The following CEACAM16 variants were observed in gnomAD, a reference collection of about 807,000 sequenced individuals.
CEACAM16 encodes CEA cell adhesion molecule 16, tectorial membrane component.
A neutral mutation model predicts 39.4 loss-of-function variants in CEACAM16; 30 were observed. The observed-to-expected ratio is 0.76, with a 90% CI of 0.57 to 1.03. The LOEUF is 1.03. Ranked by LOEUF, CEACAM16 falls within the 50% of genes least tolerant of loss-of-function variation. CEACAM16 has a pLI of 0.00. For synonymous variants in CEACAM16, 262 were observed against 264.9 expected (o/e 0.99, Z 0.11); for missense variants, 521 against 585.3 (o/e 0.89, Z 1.13).
rs766558561 is a variant in CEACAM16 at position 44,708,096 on chromosome 19, G to A, written c.1176G>A (p.Lys392=). ...GFPNCSLLVQ[K]LNLTDTGRYT... is the part of the protein sequence containing the mutation. ...CCAACTGCTCGCTGTTGGTGCAGAA[G>A]CTGAACCTCACAGACACTGGCCGCT... Residue 392 remains lysine (K), a synonymous_variant, in exon 6 of 7, where the codon AAG becomes AAA. Coordinates refer to ENST00000587331, the MANE Select transcript of CEACAM16 (RefSeq NM_001039213.4). 2 of 1,611,516 alleles carry A rather than the reference G, an allele frequency of 1.2e-6. No homozygotes were observed. Among genetic ancestry groups the A allele is most frequent in the South Asian group, 2.2e-5 (2 of 90,472 alleles).
At chr19:44,702,015 G>A (rs945447037) in intron 2 of CEACAM16, among the ~76,000 whole-genome samples, 2 of 152,030 alleles carry the variant, frequency 1.3e-5, no homozygotes, top group East Asian at 1.9e-4. Flanking sequence ...ATGAGGGGCC[G>A]GGCAAGGTGG....
intron 5 of CEACAM16, 114 bp from the exon 6 acceptor site, chr19:44,707,747 C>T: frequency 1.1e-6 from 1 of 898,414 alleles, no homozygotes; most frequent in Non-Finnish European, 1.6e-6. Context: ...GTCTCCTTCC[C>T]AGCACCCTAC....
intron 1 of CEACAM16, 173 bp downstream of exon 1, chr19:44,699,433 T>C (rs1287974655): frequency 1.6e-5 from 7 of 441,602 alleles, no homozygotes; most frequent in South Asian, 3.4e-5. Flanking sequence ...AGCCTATACT[T>C]TTTTTTTTTT....
chr19:44,705,771 C>A lies in CEACAM16; in HGVS notation c.843C>A (p.Ser281Arg), dbSNP rs745709578. Reference sequence around the variant, plus strand: ...ACGGCCAAGACCACCTCAACATCAGCAGCATGACAGCCGCCCAGGAGGGGA... The same window carrying A: ...ACGGCCAAGACCACCTCAACATCAGAAGCATGACAGCCGCCCAGGAGGGGA... ...LKNGQDHLNI[S>R]SMTAAQEGTY... The change falls in exon 5 of 7, where the codon AGC becomes AGA. Residue 281 changes from serine (S) to arginine (R), a missense_variant. Ser to Arg is a moderately radical substitution (Grantham distance 110, BLOSUM62 -1). Coordinates refer to ENST00000587331, the MANE Select transcript of CEACAM16 (RefSeq NM_001039213.4). The A allele has an allele frequency of 6.8e-5, 109 of 1,613,926 alleles. No individual in the cohort carries two copies. The highest frequency in any genetic ancestry group is 8.8e-5 in the Non-Finnish European group (104 of 1,179,912).
At position 44,707,848 on chromosome 19, in the gene CEACAM16, G is replaced by T. The variant is rs375371763; in HGVS notation, c.941-13G>T. The T allele has an allele frequency of 4.6e-5, 69 of 1,516,184 alleles. No homozygotes were observed. The African/African-American group carries it at 6.4e-4, about 14-fold the overall frequency. 93.9% of individuals were successfully genotyped at this position (1,516,184 alleles called of 1,614,324 possible). On this transcript the variant is annotated splice_polypyrimidine_tract_variant and intron_variant, in intron 5 of 6. Coordinates refer to ENST00000587331, the MANE Select transcript of CEACAM16 (RefSeq NM_001039213.4). ...CAGACCAAACTGACCCAGCCCGCTC[G>T]CTCTCTCCCCAGCTGCAGCAGTTGC... is the stretch of plus-strand genomic sequence containing the variant.
At position 44,707,961 on chromosome 19, in the gene CEACAM16, C is replaced by A; in HGVS notation, c.1041C>A (p.Val347=). 1 of 1,604,082 alleles carries A rather than the reference C, an allele frequency of 6.2e-7. No homozygotes were observed. The highest frequency in any genetic ancestry group is 8.5e-7 in the Non-Finnish European group (1 of 1,175,474). The change falls in exon 6 of 7, where the codon GTC becomes GTA. Residue 347 remains valine, a synonymous_variant. Transcript: ENST00000587331. ...AGGGCTACCCCAAGGACCTGCTGGTCTACGCCTGGTACCGCGGGCCTGCCT... is the reference window on the plus strand; with the variant it reads ...AGGGCTACCCCAAGGACCTGCTGGTATACGCCTGGTACCGCGGGCCTGCCT... ...TVQGYPKDLL[V]YAWYRGPASE...
rs1357337669 is a variant in CEACAM16 at position 44,699,226 on chromosome 19, GTGATTTAC to G, written c.-127_-120del. On this transcript the variant is annotated 5_prime_UTR_variant, in exon 1 of 7. The change abolishes the stop of an existing upstream ORF in the 5' untranslated region. Transcript: ENST00000587331. ...CAGTATTTGTCCAATAAGTGAATGA[GTGATTTAC>G]TGAGCATTTACTCTGCGCCAGTCGT... is the stretch of plus-strand genomic sequence containing the variant. The G allele has an allele frequency of 1.9e-6, 1 of 533,948 alleles. No homozygotes were observed. Among genetic ancestry groups the G allele is most frequent in the Admixed American group, 1.9e-5 (1 of 51,542 alleles). The allele number at this position is 533,948 out of a possible 1,614,324, so 33.1% of individuals were successfully genotyped here.
intron 6 of CEACAM16, 93 bp from the exon 7 acceptor site, chr19:44,710,403 G>A (rs1429543387): frequency 7.0e-7 from 1 of 1,438,132 alleles, no homozygotes; most frequent in Non-Finnish European, 9.6e-7. Context: ...GGCCCGGGGT[G>A]GGCAGGGGAG....
In CEACAM16 at chr19:44,701,032, A is replaced by G. The variant is rs1332794621; in HGVS notation, c.-96-329A>G. ...CACTGGGTGGGGCTGGGAAAGGTGC[A>G]GTCACCTTTTACTGATTTTCTTCCT... On this transcript the variant is annotated intron_variant, in intron 1 of 6. Coordinates refer to ENST00000587331, the MANE Select transcript of CEACAM16 (RefSeq NM_001039213.4). This position sits in a 1 kb window ranked among gnomAD's most constrained non-coding sequence, Gnocchi z 4.0. 6.6e-6 allele frequency among the ~76,000 whole-genome samples: 1 copy of G among 152,196 alleles called. No homozygotes were observed. The highest frequency in any genetic ancestry group is 1.5e-5 in the Non-Finnish European group (1 of 68,032).
At chr19:44,704,389 C>A (rs563222612) in intron 4 of CEACAM16, 93 bp downstream of exon 4, 8 of 1,392,060 alleles carry the variant, frequency 5.7e-6, no homozygotes, top group Admixed American at 2.9e-5. Flanking sequence ...GGGCACACAG[C>A]GAGTCAGCAG....
rs555795679 is a variant in CEACAM16, at chr19:44,701,647, A to G, written c.37+154A>G. ...CTTCACACCGGCAGTTTACCCCTCC[A>G]AGAGGCATCTGCATTGGGCAGGCTG... On this transcript the variant is annotated intron_variant, in intron 2 of 6. Transcript: ENST00000587331. The surrounding 1 kb of genome is among the most constrained non-coding windows in gnomAD (Gnocchi z 4.0). Among the ~76,000 whole-genome samples the G allele has an allele frequency of 2.4e-4, 36 of 152,302 alleles. No individual in the cohort carries two copies. Among genetic ancestry groups the G allele is most frequent in the African/African-American group, 8.7e-4 (36 of 41,562 alleles).
At chr19:44,704,389 C>T (rs563222612) in intron 4 of CEACAM16, 93 bp downstream of exon 4, 355 of 1,392,176 alleles carry the variant, frequency 2.5e-4, no homozygotes, top group Admixed American at 4.0e-4. Flanking sequence ...GGGCACACAG[C>T]GAGTCAGCAG....
At chr19:44,708,827 T>C (rs1015170646) in intron 6 of CEACAM16, among the ~76,000 whole-genome samples, 24 of 152,310 alleles carry the variant, frequency 1.6e-4, no homozygotes, top group African/African-American at 5.8e-4. Context: ...AGAATGGAAG[T>C]TCCCAGATGT....
intron 5 of CEACAM16, among the ~76,000 whole-genome samples, chr19:44,707,195 G>A (rs1974462936): frequency 6.6e-6 from 1 of 151,592 alleles, no homozygotes; most frequent in African/African-American, 2.4e-5. Context: ...CCACCTTTGG[G>A]GTACTCCTAA....
chr19:44,708,515 T>C (rs866661251), intron 6 of CEACAM16, among the ~76,000 whole-genome samples: 42 of 152,210 alleles, frequency 2.8e-4, no homozygotes, highest in African/African-American at 8.9e-4. Context: ...CATAGTCTGA[T>C]GGTGGAGCAT....
At chr19:44,705,934 A>G (rs1684242969) in intron 5 of CEACAM16, 66 bp downstream of exon 5, 1 of 1,534,150 alleles carries the variant, frequency 6.5e-7, no homozygotes, top group East Asian at 2.3e-5. Flanking sequence ...GCGAAGGTTA[A>G]GCCACCATTT....
intron 4 of CEACAM16, 76 bp from the exon 5 acceptor site, chr19:44,705,514 G>T: frequency 2.7e-6 from 4 of 1,463,424 alleles, no homozygotes; most frequent in Admixed American, 2.2e-5. Context: ...TAGCTTGGTG[G>T]AGAGAAAACC....
Position 44,703,650 on chromosome 19 carries a change from G to A in CEACAM16, c.339G>A (p.Arg113=), listed in dbSNP as rs762568989. ...CCTACATCCTGCAGACCTTCAACAG[G>A]CAGTTGCAGACCGAGGTGGGCTACG... The part of the protein sequence containing the change: ...SGTYILQTFN[R]QLQTEVGYGH... The change falls in exon 3 of 7, where the codon AGG becomes AGA. Residue 113 remains arginine (R), a synonymous_variant. Coordinates refer to ENST00000587331, the MANE Select transcript of CEACAM16 (RefSeq NM_001039213.4). 1.9e-6 allele frequency: 3 copies of A among 1,592,854 alleles called. No homozygotes were observed. The highest frequency in any genetic ancestry group is 3.3e-4 in the Middle Eastern group (2 of 5,994).
chr19:44,705,494 C>T, intron 4 of CEACAM16, 96 bp from the exon 5 acceptor site: 1 of 1,328,098 alleles, frequency 7.5e-7, no homozygotes, highest in Non-Finnish European at 1.0e-6. Flanking sequence ...CCAAGATATT[C>T]CCAGGGACCT....
Sources: allele counts gnomAD v4.1 joint callset (sites outside exome capture counted in the v4.1 genomes callset), GRCh38; gene constraint gnomAD v4.1.1; non-coding constraint Gnocchi (gnomAD v3.1); transcripts MANE v1.5; gene names NCBI Gene and HGNC (gene_info 2026-07-23, HGNC 2026-07-21).